The following ITPR2 variants were observed in gnomAD, a reference collection of about 807,000 sequenced individuals.
The protein encoded by ITPR2 is inositol 1,4,5-trisphosphate receptor type 2.
A neutral mutation model predicts 317.1 loss-of-function variants in ITPR2; 207 were observed. The ratio of observed to expected loss-of-function variants is 0.65; its 90% CI spans 0.58 to 0.73. The LOEUF is 0.73. Among genes scored for constraint, ITPR2 ranks in the 30% least tolerant of loss-of-function variants. The pLI is 0.00. For synonymous variants in ITPR2, 1,156 were observed against 1,149.1 expected (o/e 1.01, Z -0.12); for missense variants, 2,613 against 3,284.0 (o/e 0.80, Z 4.99).
chr12:26,495,423 TC>T, intron 37 of ITPR2, 163 bp from the exon 38 acceptor site: 1 of 546,292 alleles, frequency 1.8e-6, no homozygotes, highest in Non-Finnish European at 3.2e-6. Flanking sequence ...TACAAATGCA[TC>T]CCAATAAAAT....
intron 2 of ITPR2, among the ~76,000 whole-genome samples, chr12:26,761,137 C>T (rs1044656461): frequency 2.6e-5 from 4 of 152,046 alleles, no homozygotes; most frequent in South Asian, 2.1e-4. Flanking sequence ...CCCAGTGGAC[C>T]AAGGCTTCAG....
chr12:26,537,212 T>G (rs1277028161), intron 37 of ITPR2, among the ~76,000 whole-genome samples: 3 of 152,186 alleles, frequency 2.0e-5, no homozygotes, highest in Non-Finnish European at 4.4e-5. Flanking sequence ...CATTAACTAA[T>G]CCAAGCATGG....
At chr12:26,825,833 T>C (rs956324820) in intron 1 of ITPR2, among the ~76,000 whole-genome samples, 2 of 152,234 alleles carry the variant, frequency 1.3e-5, no homozygotes, top group Non-Finnish European at 2.9e-5. Flanking sequence ...TTCTAACACT[T>C]AGACTTTCCA....
In ITPR2 at chr12:26,621,272, C is replaced by T; in HGVS notation, c.3313G>A (p.Asp1105Asn). Residue 1105 changes from aspartate to asparagine, a missense_variant, in exon 26 of 57, where the codon GAC (aspartate) becomes AAC (asparagine). Asp to Asn is a conservative substitution (Grantham distance 23, BLOSUM62 1). This residue lies in a region of ITPR2 where 817 missense variants were observed against 897.6 expected (regional missense o/e 0.91). Transcript: ENST00000381340. ...TTGATTTGCTTGTAGTTATCTACGTCTTGATTAGACACCAGTAATTGCACC... is the reference window on the plus strand; with the variant it reads ...TTGATTTGCTTGTAGTTATCTACGTTTTGATTAGACACCAGTAATTGCACC... ...KQVQLLVSNQ[D>N]VDNYKQIKAD... is the part of the protein sequence containing the mutation. 1 of 1,611,892 alleles carries T rather than the reference C, an allele frequency of 6.2e-7. No individual in the cohort carries two copies. The highest frequency in any genetic ancestry group is 8.5e-7 in the Non-Finnish European group (1 of 1,179,080).
intron 2 of ITPR2, among the ~76,000 whole-genome samples, chr12:26,772,503 G>GTATTATATATAATACAT (rs1449729915): frequency 1.0e-5 from 1 of 100,016 alleles, no homozygotes; most frequent in Non-Finnish European, 2.3e-5. Context: ...TATAATACAT[G>GTATTATATATAATACAT]TATTATATAT....
chr12:26,736,557 T>G (rs1039446132), intron 2 of ITPR2, among the ~76,000 whole-genome samples: 2 of 152,182 alleles, frequency 1.3e-5, no homozygotes, highest in African/African-American at 4.8e-5. Context: ...TGAGTTCAAC[T>G]TAACATAATT....
intron 42 of ITPR2, among the ~76,000 whole-genome samples, chr12:26,481,531 T>C (rs145859247): frequency 2.6e-4 from 40 of 152,334 alleles, no homozygotes; most frequent in African/African-American, 9.4e-4. Context: ...AAGTTAAATA[T>C]CCTTCCATTC....
At chr12:26,602,596 G>A in intron 27 of ITPR2, 21 bp downstream of exon 27, 1 of 1,585,540 alleles carries the variant, frequency 6.3e-7, no homozygotes, top group Non-Finnish European at 8.7e-7. Context: ...ACCTATATAA[G>A]AATATTTTGT....
intron 45 of ITPR2, among the ~76,000 whole-genome samples, chr12:26,453,763 C>T (rs1234377245): frequency 6.6e-6 from 1 of 152,202 alleles, no homozygotes; most frequent in East Asian, 1.9e-4. Flanking sequence ...ATTTCCCATC[C>T]ACGTCCCCTC....
At chr12:26,443,516 C>G in intron 46 of ITPR2, 27 bp downstream of exon 46, 1 of 1,539,166 alleles carries the variant, frequency 6.5e-7, no homozygotes, top group Non-Finnish European at 9.0e-7. Flanking sequence ...CACAGTTGGT[C>G]TCTTTCAATA....
At chr12:26,534,749 T>G (rs1336003086) in intron 37 of ITPR2, among the ~76,000 whole-genome samples, 3 of 152,212 alleles carry the variant, frequency 2.0e-5, no homozygotes, top group Non-Finnish European at 4.4e-5. Flanking sequence ...GTCCCTAGTT[T>G]AGATGCTGAA....
chr12:26,487,889 T>C (rs1942708113), intron 39 of ITPR2, among the ~76,000 whole-genome samples: 1 of 152,256 alleles, frequency 6.6e-6, no homozygotes, highest in Non-Finnish European at 1.5e-5. Context: ...CCTCATTAGC[T>C]ACATTGCTTT....
At chr12:26,393,931 C>G (rs899685235) in intron 54 of ITPR2, among the ~76,000 whole-genome samples, 1 of 152,102 alleles carries the variant, frequency 6.6e-6, no homozygotes, top group Non-Finnish European at 1.5e-5. Context: ...ACAATATCAG[C>G]CTGAGGCTGA....
intron 47 of ITPR2, among the ~76,000 whole-genome samples, chr12:26,437,027 G>C (rs1565526140): frequency 6.6e-6 from 1 of 152,186 alleles, no homozygotes; most frequent in Non-Finnish European, 1.5e-5. Context: ...AAAGGACTCT[G>C]TGTCTGTTAT....
At position 26,598,012 on chromosome 12, in the gene ITPR2, A is replaced by C. The variant is rs147208902; in HGVS notation, c.4003-878T>G. Among the ~76,000 whole-genome samples the C allele has an allele frequency of 2.2e-3, 338 of 152,342 alleles. 2 individuals are homozygous for C. The highest frequency in any genetic ancestry group is 7.8e-3 in the African/African-American group (326 of 41,578). On this transcript the variant is annotated intron_variant, in intron 30 of 56. Transcript: ENST00000381340. ...TCAAAAATATGTATTATATATTAACATAATATTACAAATACTTCTTTGTGC... is the reference window on the plus strand; with the variant it reads ...TCAAAAATATGTATTATATATTAACCTAATATTACAAATACTTCTTTGTGC...
intron 37 of ITPR2, among the ~76,000 whole-genome samples, chr12:26,531,807 G>T (rs965148956): frequency 6.6e-6 from 1 of 152,212 alleles, no homozygotes; most frequent in Admixed American, 6.5e-5. Flanking sequence ...CAATCATCTT[G>T]ATTTAGATAT....
chr12:26,618,066 T>A (rs1432248783), intron 26 of ITPR2, among the ~76,000 whole-genome samples: 1 of 152,154 alleles, frequency 6.6e-6, no homozygotes, highest in East Asian at 1.9e-4. Context: ...TTGTAGTTTT[T>A]AAAAAGTAAA....
chr12:26,547,965 T>A (rs1237315153), intron 37 of ITPR2, among the ~76,000 whole-genome samples: 1 of 152,170 alleles, frequency 6.6e-6, no homozygotes. Context: ...GTAAGAAGAT[T>A]AAACAAAGAG....
intron 45 of ITPR2, among the ~76,000 whole-genome samples, chr12:26,471,199 G>A (rs1325657595): frequency 2.0e-5 from 3 of 152,134 alleles, no homozygotes; most frequent in Non-Finnish European, 2.9e-5. Flanking sequence ...CTTCAGGTAG[G>A]CATTAAATGC....
Sources: gnomAD v4.1 joint callset for allele counts (sites outside exome capture counted in the v4.1 genomes callset) on GRCh38, gnomAD v4.1.1 for gene constraint, gnomAD v4.1.1 regional missense constraint, MANE v1.5 for transcripts, NCBI Gene and HGNC (gene_info 2026-07-23, HGNC 2026-07-21) for gene names.